LARP4B: variants seen among roughly 807,000 people sequenced by gnomAD.
LARP4B encodes la-related protein 4B.
Under a neutral mutation model 89.8 loss-of-function variants are expected in LARP4B, and 12 were observed. The ratio of observed to expected loss-of-function variants is 0.13; its 90% CI spans 0.09 to 0.22. The LOEUF is 0.22. Among genes scored for constraint, LARP4B ranks in the 10% least tolerant of loss-of-function variants. The probability of loss-of-function intolerance (pLI) is 1.00; values close to 1 mark genes in which losing one functional copy is unlikely to be tolerated. For missense variants in LARP4B, 757 were observed against 947.7 expected (o/e 0.80, Z 2.64); for synonymous variants, 367 against 363.3 (o/e 1.01, Z -0.12).
At chr10:815,652 T>C (rs1832006353) in intron 15 of LARP4B, 1 of 152,238 alleles carries the variant, frequency 6.6e-6, no homozygotes, top group South Asian at 2.1e-4. Context: ...GAGTGAAACT[T>C]ACTCCCTCCT....
chr10:883,659 C>T (rs1287175633), intron 3 of LARP4B, among the ~76,000 whole-genome samples: 1 of 151,022 alleles, frequency 6.6e-6, no homozygotes, highest in Non-Finnish European at 1.5e-5. Context: ...GCTGGCCAGG[C>T]ATGGTGGCTC....
At chr10:933,077 C>T (rs1830699863), upstream of LARP4B, 2 of 152,286 alleles carry the variant, frequency 1.3e-5, no homozygotes, top group Admixed American at 6.5e-5. Context: ...ACTCTACCTA[C>T]CCCTGATCAG....
At chr10:895,716 T>C (rs1308375460) in intron 1 of LARP4B, among the ~76,000 whole-genome samples, 1 of 150,216 alleles carries the variant, frequency 6.7e-6, no homozygotes, top group East Asian at 1.9e-4. Context: ...GAATGCAGTA[T>C]GTTACAATTA....
chr10:904,012 T>C (rs549981502), intron 1 of LARP4B, among the ~76,000 whole-genome samples: 277 of 152,310 alleles, frequency 1.8e-3, no homozygotes, highest in Non-Finnish European at 3.1e-3. Flanking sequence ...GAATACAAGC[T>C]GAGCAGCACT....
At chr10:841,688 G>A (rs1833528128) in intron 7 of LARP4B, among the ~76,000 whole-genome samples, 1 of 152,136 alleles carries the variant, frequency 6.6e-6, no homozygotes. Context: ...TTCAAAGATG[G>A]GGCCCAATTC....
chr10:830,411 C>T lies in LARP4B; in HGVS notation c.861+456G>A, dbSNP rs190955441. Among the ~76,000 whole-genome samples the T allele has an allele frequency of 5.2e-3, 794 of 152,268 alleles. 7 individuals are homozygous for T. The highest frequency in any genetic ancestry group is 0.018 in the African/African-American group (758 of 41,572). On this transcript the variant is annotated intron_variant, in intron 9 of 17. Coordinates refer to ENST00000316157, the MANE Select transcript of LARP4B (RefSeq NM_015155.3). Reference sequence around the variant, plus strand: ...ACCATTTAACACTTTATAATATGTGCGTTAGTTTCCTCACAAATAAGATGC... The same window carrying T: ...ACCATTTAACACTTTATAATATGTGTGTTAGTTTCCTCACAAATAAGATGC...
chr10:976,207 G>C, the LARP4B span, among the ~76,000 whole-genome samples: 3 of 132,050 alleles, frequency 2.3e-5, no homozygotes, highest in Non-Finnish European at 5.0e-5. Context: ...TGTGCGGCCC[G>C]GCTTAGTAGA....
At chr10:957,161 T>C in the LARP4B span, among the ~76,000 whole-genome samples, 2 of 152,138 alleles carry the variant, frequency 1.3e-5, no homozygotes, top group Non-Finnish European at 2.9e-5. Context: ...CTTATTTTTT[T>C]ACTTTTATTT....
At chr10:906,478 C>T (rs867497030) in intron 1 of LARP4B, among the ~76,000 whole-genome samples, 1 of 152,212 alleles carries the variant, frequency 6.6e-6, no homozygotes, top group South Asian at 2.1e-4. Context: ...AAGAGAAGCC[C>T]AGCGCCAGTG....
intron 1 of LARP4B, among the ~76,000 whole-genome samples, chr10:908,832 G>A (rs1455860990): frequency 6.6e-6 from 1 of 152,162 alleles, no homozygotes; most frequent in Admixed American, 6.5e-5. Flanking sequence ...ACAAGAAAAG[G>A]AAACGTCAAG....
chr10:814,674 G>C lies in LARP4B; in HGVS notation c.1929+68C>G. On this transcript the variant is annotated intron_variant, in intron 17 of 17. Transcript: ENST00000316157. This position sits in a 1 kb window ranked among gnomAD's most constrained non-coding sequence, Gnocchi z 4.4. ...GATTAAAAAACGAGCAGGTGCAGGA[G>C]TGCGCAGCGTCTGTTCACACCAGAG... The C allele has an allele frequency of 6.4e-7, 1 of 1,552,964 alleles. No homozygotes were observed. Among genetic ancestry groups the C allele is most frequent in the Non-Finnish European group, 8.7e-7 (1 of 1,147,700 alleles).
Position 829,571 on chromosome 10 carries a change from T to A in LARP4B, c.939A>T (p.Ile313=). The change falls in exon 11 of 18, where the codon ATA becomes ATT. Residue 313 remains isoleucine, a synonymous_variant. Coordinates refer to ENST00000316157, the MANE Select transcript of LARP4B (RefSeq NM_015155.3). ...TCTTTGGCAAAAATGTGTTTATAGC[T>A]ATTGCCTTTGCTTTTATCCGTGCCT... The part of the protein sequence containing the change: ...PIKARIKAKA[I]AINTFLPKNG... The A allele has an allele frequency of 6.2e-7, 1 of 1,614,170 alleles. No individual in the cohort carries two copies. The highest frequency in any genetic ancestry group is 8.5e-7 in the Non-Finnish European group (1 of 1,180,026).
At chr10:923,703 G>A (rs1347583979) in intron 1 of LARP4B, among the ~76,000 whole-genome samples, 1 of 152,122 alleles carries the variant, frequency 6.6e-6, no homozygotes, top group Non-Finnish European at 1.5e-5. Flanking sequence ...AAAAGAGAAT[G>A]TTCAACATGT....
chr10:825,096 G>A lies in LARP4B; in HGVS notation c.1453C>T (p.Leu485Phe), dbSNP rs374286524. 3 of 1,614,066 alleles carry A rather than the reference G, an allele frequency of 1.9e-6. No homozygotes were observed. The African/African-American group carries it at 4.0e-5, about 22-fold the overall frequency. The change falls in exon 13 of 18, where the codon CTC becomes TTC. Residue 485 changes from leucine (L) to phenylalanine (F), a missense_variant. This residue lies in a region of LARP4B where 387 missense variants were observed against 423.6 expected (regional missense o/e 0.91). Transcript: ENST00000316157. ...CTCCCTAAACCAGGAGAGGATTCGA[G>A]ACTGCCTGGCTCCACACGCCCAGGC... is the stretch of plus-strand genomic sequence containing the variant. The part of the protein sequence containing the change: ...AGPGRVEPGS[L>F]ESSPGLGRGR...
chr10:948,003 T>C, the LARP4B span, among the ~76,000 whole-genome samples: 156 of 152,096 alleles, frequency 1.0e-3, 1 homozygote, highest in Middle Eastern at 6.8e-3. Context: ...AGTGTGATAG[T>C]GGACCTGAGA....
intron 11 of LARP4B, among the ~76,000 whole-genome samples, chr10:827,474 C>T (rs1298232530): frequency 6.6e-6 from 1 of 152,094 alleles, no homozygotes; most frequent in South Asian, 2.1e-4. Flanking sequence ...ATTATTAATG[C>T]GTTCCTATTA....
the LARP4B span, among the ~76,000 whole-genome samples, chr10:938,471 G>T: frequency 1.0e-3 from 152 of 151,268 alleles, 2 homozygotes; most frequent in South Asian, 4.2e-3. Context: ...GCCAGGATAG[G>T]CTTGATCTCC....
In LARP4B at chr10:813,041, G is replaced by T. The variant is rs776934063; in HGVS notation, c.2102C>A (p.Ser701Tyr). 1.5e-5 allele frequency: 24 copies of T among 1,613,566 alleles called. No individual in the cohort carries two copies. The East Asian group carries it at 5.1e-4, about 34-fold the overall frequency. ...ERYREPPALK[S>Y]TPGAPRDQRR... ...CTGGTCTCTGGGGGCTCCAGGTGTG[G>T]ACTTGAGGGCTGGGGGCTCCCGGTA... is the stretch of plus-strand genomic sequence containing the variant. Residue 701 changes from serine (S) to tyrosine (Y), a missense_variant, in exon 18 of 18, where the codon TCC becomes TAC. Around this residue, in one of 5 missense-constraint regions of LARP4B, gnomAD observed 387 missense variants for 423.6 expected, o/e 0.91. Coordinates refer to ENST00000316157, the MANE Select transcript of LARP4B (RefSeq NM_015155.3).
chr10:840,132 G>C (rs1198807030), intron 7 of LARP4B, among the ~76,000 whole-genome samples: 1 of 152,086 alleles, frequency 6.6e-6, no homozygotes, highest in Non-Finnish European at 1.5e-5. Flanking sequence ...ACGCTTGGCG[G>C]GGGTGGGCTG....
Sources: gnomAD v4.1 joint callset for allele counts (sites outside exome capture counted in the v4.1 genomes callset) on GRCh38, gnomAD v4.1.1 for gene constraint, gnomAD v4.1.1 regional missense constraint, Gnocchi (gnomAD v3.1) non-coding constraint, MANE v1.5 for transcripts, NCBI Gene and HGNC (gene_info 2026-07-23, HGNC 2026-07-21) for gene names.